NTRK1: variants seen among roughly 807,000 people sequenced by gnomAD.
NTRK1 encodes neurotrophic receptor tyrosine kinase 1, also known as high affinity nerve growth factor receptor.
In NTRK1, 62 loss-of-function variants were observed where a neutral mutation model predicts 86.8. The ratio of observed to expected loss-of-function variants is 0.71; its 90% CI spans 0.58 to 0.88. The LOEUF (loss-of-function observed/expected upper bound fraction) is 0.88, where lower values mean the gene tolerates loss of function less well. Ranked by LOEUF, NTRK1 falls within the 40% of genes least tolerant of loss-of-function variation. The pLI is 0.00. For missense variants in NTRK1, 967 were observed against 1,078.4 expected (o/e 0.90, Z 1.45); for synonymous variants, 469 against 456.6 (o/e 1.03, Z -0.35).
chr1:156,816,215 A>G, intron 1 of NTRK1: 1 of 1,442,506 alleles, frequency 6.9e-7, no homozygotes. Context: ...ACGACAGGAA[A>G]AACGCAGAAG....
At chr1:156,818,124 T>G (rs1654068936) in intron 1 of NTRK1, among the ~76,000 whole-genome samples, 1 of 152,092 alleles carries the variant, frequency 6.6e-6, no homozygotes, top group Non-Finnish European at 1.5e-5. Context: ...TTGGTGTGAG[T>G]GCTGGGACTA....
intron 2 of NTRK1, chr1:156,845,088 T>C (rs748077768): frequency 4.4e-6 from 7 of 1,608,258 alleles, no homozygotes; most frequent in Non-Finnish European, 5.9e-6. Context: ...TGGGGCATGG[T>C]GCGCGCAAAG....
At chr1:156,844,870 G>A (rs747871833) in intron 2 of NTRK1, 3 of 1,612,732 alleles carry the variant, frequency 1.9e-6, no homozygotes, top group Non-Finnish European at 2.5e-6. Flanking sequence ...CCAGCAGCCG[G>A]GCCAAAAGTG....
rs747976486 is a variant in NTRK1 at position 156,866,946 on chromosome 1, G to A, written c.396G>A (p.Trp132Ter). ...TCAACGCTCTGGAGTCTCTCTCCTGGAAAACTGTGCAGGGCCTCTCCTTAC... is the reference window on the plus strand; with the variant it reads ...TCAACGCTCTGGAGTCTCTCTCCTGAAAAACTGTGCAGGGCCTCTCCTTAC... ...LSFNALESLS[W>*]KTVQGLSLQE... The change falls in exon 4 of 17, where the codon TGG becomes TGA. Residue 132 changes from tryptophan to a stop codon, truncating the protein, a stop_gained. Coordinates refer to ENST00000524377, the MANE Select transcript of NTRK1 (RefSeq NM_002529.4). LOFTEE classifies it high-confidence loss of function. 3 of 1,614,242 alleles carry A rather than the reference G, an allele frequency of 1.9e-6. No homozygotes were observed. The Admixed American group carries it at 5.0e-5, about 27-fold the overall frequency.
chr1:156,844,674 C>A (rs745388523), intron 2 of NTRK1: 1 of 1,613,780 alleles, frequency 6.2e-7, no homozygotes, highest in African/African-American at 1.3e-5. Flanking sequence ...AGGCACAAAA[C>A]GGGGCTGGGA....
At chr1:156,836,064 T>C (rs982355044) in intron 1 of NTRK1, among the ~76,000 whole-genome samples, 6 of 152,218 alleles carry the variant, frequency 3.9e-5, no homozygotes, top group African/African-American at 1.4e-4. Flanking sequence ...CTCTGCTTCA[T>C]CTGTCCTCCC....
intron 14 of NTRK1, among the ~76,000 whole-genome samples, chr1:156,878,666 T>C (rs189914625): frequency 1.7e-4 from 26 of 152,186 alleles, no homozygotes; most frequent in African/African-American, 6.0e-4. Flanking sequence ...GAAGACCCCG[T>C]AGGAATGGCT....
At position 156,842,244 on chromosome 1, in the gene NTRK1, A is replaced by G. The variant is rs150557473; in HGVS notation, c.50+51A>G. 212 of 1,613,734 alleles carry G rather than the reference A, an allele frequency of 1.3e-4. 2 individuals carry two copies. In the East Asian group the frequency reaches 2.5e-3, roughly 19 times the overall value. On this transcript the variant is annotated intron_variant, in intron 2 of 16. Transcript: ENST00000392302. ...CCAGCCATTTGGATCATTTCCCCCA[A>G]TGCTGGCTGTGGGAGCCCAGGGTTG...
chr1:156,845,456 AC>A, intron 2 of NTRK1: 1 of 1,523,338 alleles, frequency 6.6e-7, no homozygotes, highest in Non-Finnish European at 8.8e-7. Flanking sequence ...GTCCGGATGC[AC>A]CCCTGTGCCC....
intron 1 of NTRK1, among the ~76,000 whole-genome samples, chr1:156,829,933 A>G (rs956175914): frequency 6.6e-6 from 1 of 152,202 alleles, no homozygotes; most frequent in Admixed American, 6.5e-5. Flanking sequence ...GATTACAGGC[A>G]TGAGCCACTA....
chr1:156,875,705 G>A (rs1483611097), intron 12 of NTRK1, 39 bp downstream of exon 12: 2 of 1,429,438 alleles, frequency 1.4e-6, no homozygotes, highest in South Asian at 1.3e-5. Context: ...GGACGAGTGT[G>A]TGTGTGTGTG....
chr1:156,878,304 T>C (rs551442692), intron 14 of NTRK1, among the ~76,000 whole-genome samples: 1 of 152,272 alleles, frequency 6.6e-6, no homozygotes, highest in East Asian at 1.9e-4. Context: ...GCTTCAGGAC[T>C]TGAGTCTCAA....
rs386368405 is a variant in NTRK1, at chr1:156,826,293, C to CTTTTTTTTT, written c.-64+10470_-64+10478dup. The stretch of plus-strand genomic sequence containing the variant: ...ACGTTGTCCAGGCTAGACTTGAGCT[C>CTTTTTTTTT]TTTTTTTTTTTTTTTTTTTTTTTCT... On this transcript the variant is annotated intron_variant, in intron 1 of 16. Coordinates refer to the NTRK1 transcript ENST00000392302. 1.4e-4 allele frequency among the ~76,000 whole-genome samples: 12 copies of CTTTTTTTTT among 88,450 alleles called. 1 individual carries two copies. In the South Asian group the frequency reaches 1.4e-3, roughly 11 times the overall value. The allele number at this position is 88,450 out of a possible 152,430, so 58.0% of individuals were successfully genotyped here.
At chr1:156,862,057 A>T (rs1485254309) in intron 1 of NTRK1, among the ~76,000 whole-genome samples, 1 of 152,160 alleles carries the variant, frequency 6.6e-6, no homozygotes, top group African/African-American at 2.4e-5. Context: ...CATCTAGAAG[A>T]GGGGAGAACT....
At chr1:156,849,601 C>T (rs990010983) in intron 2 of NTRK1, 42 of 642,774 alleles carry the variant, frequency 6.5e-5, no homozygotes, top group Middle Eastern at 4.1e-4. Flanking sequence ...ACCAGCACAC[C>T]GGGGGCATTC....
intron 2 of NTRK1, chr1:156,846,599 G>A (rs1199847540): frequency 6.2e-7 from 1 of 1,614,066 alleles, no homozygotes; most frequent in Non-Finnish European, 8.5e-7. Flanking sequence ...TAGCGTGATG[G>A]CCCGCACAAA....
intron 15 of NTRK1, 135 bp from the exon 16 acceptor site, chr1:156,879,863 CT>C: frequency 1.8e-6 from 2 of 1,099,748 alleles, no homozygotes; most frequent in South Asian, 2.7e-5. Flanking sequence ...CCACCTCGGC[CT>C]CCCAAAGTGC....
chr1:156,844,696 C>A, intron 2 of NTRK1: 1 of 1,614,078 alleles, frequency 6.2e-7, no homozygotes. Flanking sequence ...GGGGGTCCCA[C>A]GGGCACCTAC....
At chr1:156,852,224 A>G in intron 2 of NTRK1, 2 of 1,548,094 alleles carry the variant, frequency 1.3e-6, no homozygotes, top group East Asian at 2.3e-5. Flanking sequence ...GACGTTGGCC[A>G]TGCCCCCTCA....
Sources: allele counts gnomAD v4.1 joint callset (sites outside exome capture counted in the v4.1 genomes callset), GRCh38; gene constraint gnomAD v4.1.1; transcripts MANE v1.5; gene names NCBI Gene and HGNC (gene_info 2026-07-23, HGNC 2026-07-21).